The following TECRL variants were observed in gnomAD, a reference collection of about 807,000 sequenced individuals.
The protein encoded by TECRL is trans-2,3-enoyl-CoA reductase-like.
Under a neutral mutation model 52.8 loss-of-function variants are expected in TECRL, and 63 were observed. The ratio of observed to expected loss-of-function variants is 1.19; its 90% confidence interval spans 0.97 to 1.47. The LOEUF is 1.47. Ranked by LOEUF, TECRL falls within the 40% of genes most tolerant of loss-of-function variation. The pLI, the probability that TECRL is intolerant of heterozygous loss-of-function variation, is 0.00. For synonymous variants in TECRL, 164 were observed against 141.9 expected (o/e 1.16, Z -1.10); for missense variants, 482 against 429.6 (o/e 1.12, Z -1.08).
chr4:64,403,873 C>CAA (rs67265016), intron 1 of TECRL, among the ~76,000 whole-genome samples: 2,096 of 146,966 alleles, frequency 0.014, 59 homozygotes, highest in African/African-American at 0.05. Context: ...AAAAGAAAGA[C>CAA]AAAAAAAAAA....
At chr4:64,342,029 C>G (rs1278666212) in intron 2 of TECRL, among the ~76,000 whole-genome samples, 2 of 152,058 alleles carry the variant, frequency 1.3e-5, no homozygotes, top group Non-Finnish European at 2.9e-5. Context: ...CCTGCCAGGC[C>G]GAGTGGGCAG....
In TECRL at chr4:64,278,080, AT is replaced by A. The variant is rs1345117732; in HGVS notation, c.*1991del. The A allele has an allele frequency of 6.6e-6, 1 of 151,106 alleles. No homozygotes were observed. The highest frequency in any genetic ancestry group is 1.5e-5 in the Non-Finnish European group (1 of 67,584). 9.4% of individuals were successfully genotyped at this position (151,106 alleles called of 1,614,324 possible). A position where few individuals can be genotyped will look rare whatever the true frequency, so the allele number is the denominator to read the frequency against. Reference sequence around the variant, plus strand: ...TATATATATGTGTATATATATACACATATACACACGTACACACATATTTTGA... The same window carrying A: ...TATATATATGTGTATATATATACACAATACACACGTACACACATATTTTGA... On this transcript the variant is annotated 3_prime_UTR_variant, in exon 12 of 12. Coordinates refer to ENST00000381210, the MANE Select transcript of TECRL (RefSeq NM_001010874.5).
chr4:64,365,208 TA>T (rs61388326), intron 2 of TECRL, among the ~76,000 whole-genome samples: 4,329 of 146,336 alleles, frequency 0.03, 200 homozygotes, highest in African/African-American at 0.1. Flanking sequence ...TGCTTCATGT[TA>T]AAAAAAAAAA....
chr4:64,376,329 A>T (rs551907722), intron 1 of TECRL, among the ~76,000 whole-genome samples: 1 of 152,030 alleles, frequency 6.6e-6, no homozygotes, highest in Non-Finnish European at 1.5e-5. Context: ...AGTAACAGGT[A>T]TTTCAATTTG....
At chr4:64,386,985 C>G (rs1183842992) in intron 1 of TECRL, among the ~76,000 whole-genome samples, 1 of 152,124 alleles carries the variant, frequency 6.6e-6, no homozygotes. Flanking sequence ...TGGTGTTGTA[C>G]GTTCTATAAG....
chr4:64,384,197 A>G (rs935447186), intron 1 of TECRL, among the ~76,000 whole-genome samples: 9 of 151,940 alleles, frequency 5.9e-5, no homozygotes, highest in Admixed American at 1.3e-4. Flanking sequence ...AGGTAGGATG[A>G]TTCTTGGGCC....
At chr4:64,338,982 A>G (rs1474510680) in intron 2 of TECRL, among the ~76,000 whole-genome samples, 2 of 152,090 alleles carry the variant, frequency 1.3e-5, no homozygotes, top group Non-Finnish European at 2.9e-5. Flanking sequence ...ACACATGCAC[A>G]TGTATGTTTA....
At chr4:64,322,978 C>G (rs1718010027) in intron 3 of TECRL, among the ~76,000 whole-genome samples, 186 bp from the exon 4 acceptor site, 1 of 152,226 alleles carries the variant, frequency 6.6e-6, no homozygotes, top group Middle Eastern at 3.4e-3. Context: ...TCTAGCAACT[C>G]TTCAAATGCA....
chr4:64,377,863 C>T (rs1330379575), intron 1 of TECRL, among the ~76,000 whole-genome samples: 2 of 152,014 alleles, frequency 1.3e-5, no homozygotes, highest in Non-Finnish European at 2.9e-5. Context: ...GCCACTTTCA[C>T]AGTAAATTCT....
At chr4:64,362,253 A>G (rs1335219558) in intron 2 of TECRL, among the ~76,000 whole-genome samples, 1 of 152,092 alleles carries the variant, frequency 6.6e-6, no homozygotes, top group Non-Finnish European at 1.5e-5. Context: ...AGATGAAGTG[A>G]TGGAGCAACT....
intron 1 of TECRL, among the ~76,000 whole-genome samples, chr4:64,386,384 G>A (rs749258966): frequency 6.6e-6 from 1 of 152,024 alleles, no homozygotes; most frequent in Non-Finnish European, 1.5e-5. Context: ...TGCTAAGTAG[G>A]CTGAGGAAGA....
intron 1 of TECRL, among the ~76,000 whole-genome samples, chr4:64,399,375 CCACACGG>C (rs1320697299): frequency 6.6e-6 from 1 of 152,128 alleles, no homozygotes; most frequent in African/African-American, 2.4e-5. Flanking sequence ...TGTAGCCTGG[CCACACGG>C]CATAGAAAAA....
chr4:64,342,959 T>C (rs1719692355), intron 2 of TECRL, among the ~76,000 whole-genome samples: 1 of 152,044 alleles, frequency 6.6e-6, no homozygotes, highest in South Asian at 2.1e-4. Flanking sequence ...AAAGATTAGT[T>C]AAAATCTTTA....
At chr4:64,316,229 CTT>C (rs1414842800) in intron 4 of TECRL, among the ~76,000 whole-genome samples, 7 of 151,972 alleles carry the variant, frequency 4.6e-5, no homozygotes, top group African/African-American at 1.7e-4. Context: ...TCTTTATTAA[CTT>C]AATAAAAATG....
At chr4:64,291,424 TAGAC>T (rs1426851838) in intron 8 of TECRL, among the ~76,000 whole-genome samples, 6 of 151,980 alleles carry the variant, frequency 3.9e-5, no homozygotes, top group African/African-American at 9.7e-5. Flanking sequence ...TCTTTCAACT[TAGAC>T]AGCTTGTCAT....
chr4:64,379,251 C>CAT (rs1553919823), intron 1 of TECRL, among the ~76,000 whole-genome samples: 1 of 7,758 alleles, frequency 1.3e-4, no homozygotes, highest in South Asian at 6.4e-3. Context: ...CACACATACA[C>CAT]ACACACACAC....
chr4:64,393,913 A>G (rs1308541080), intron 1 of TECRL, among the ~76,000 whole-genome samples: 1 of 152,068 alleles, frequency 6.6e-6, no homozygotes, highest in East Asian at 1.9e-4. Context: ...ATAAAATGTT[A>G]CATACATATT....
At chr4:64,330,259 T>A (rs919801876) in intron 2 of TECRL, among the ~76,000 whole-genome samples, 1 of 152,072 alleles carries the variant, frequency 6.6e-6, no homozygotes, top group Admixed American at 6.6e-5. Flanking sequence ...TTCTGAAATA[T>A]GAACACTAAA....
chr4:64,375,267 TTTG>T (rs748405529), intron 1 of TECRL, 44 bp from the exon 2 acceptor site: 23 of 1,044,652 alleles, frequency 2.2e-5, no homozygotes, highest in Admixed American at 3.5e-5. Flanking sequence ...AAACTGTTAA[TTTG>T]TTTTCTATCC....
Sources: allele counts gnomAD v4.1 joint callset (sites outside exome capture counted in the v4.1 genomes callset), GRCh38; gene constraint gnomAD v4.1.1; transcripts MANE v1.5; gene names NCBI Gene and HGNC (gene_info 2026-07-23, HGNC 2026-07-21).